The following GPM6B variants were observed in gnomAD, a reference collection of about 807,000 sequenced individuals.
GPM6B encodes neuronal membrane glycoprotein M6-b.
Under a neutral mutation model 27.2 loss-of-function variants are expected in GPM6B, and 4 were observed. That is an observed-to-expected ratio of 0.15 (90% CI 0.07 to 0.34). The LOEUF is 0.34. Among genes scored for constraint, GPM6B ranks in the 10% least tolerant of loss-of-function variants. The pLI is 1.00. For missense variants in GPM6B, 183 were observed against 261.9 expected (o/e 0.70, Z 2.08); for synonymous variants, 124 against 103.1 (o/e 1.20, Z -1.23).
intron 1 of GPM6B, among the ~76,000 whole-genome samples, chrX:13,868,502 C>A: frequency 8.9e-6 from 1 of 111,851 alleles, no homozygotes; most frequent in Non-Finnish European, 1.9e-5. Context: ...ATATGTAAAT[C>A]AGCTCTCACT....
At chrX:13,798,213 T>C (rs1224825434) in intron 2 of GPM6B, among the ~76,000 whole-genome samples, 1 of 110,582 alleles carries the variant, frequency 9.0e-6, no homozygotes, top group African/African-American at 3.3e-5. Context: ...TGAACCCCTT[T>C]GAGAAACTAA....
At chrX:13,809,674 T>A (rs771919712) in intron 1 of GPM6B, among the ~76,000 whole-genome samples, 61 of 110,543 alleles carry the variant, frequency 5.5e-4, no homozygotes, top group African/African-American at 1.9e-3. Flanking sequence ...TGGTGGCTCA[T>A]GCCTGTAATT....
chrX:13,843,658 T>C (rs777087573), intron 1 of GPM6B, among the ~76,000 whole-genome samples: 2 of 112,593 alleles, frequency 1.8e-5, no homozygotes, highest in Non-Finnish European at 1.9e-5. Flanking sequence ...TGATATCTCA[T>C]TGTGGTTTCA....
chrX:13,812,563 C>G (rs1412912597), intron 1 of GPM6B, among the ~76,000 whole-genome samples: 1 of 111,514 alleles, frequency 9.0e-6, no homozygotes, highest in Non-Finnish European at 1.9e-5. Context: ...CCAATCCAAT[C>G]CATCACAGTC....
chrX:13,794,950 T>C (rs114963361), intron 2 of GPM6B, among the ~76,000 whole-genome samples: 2,333 of 111,981 alleles, frequency 0.021, 44 homozygotes, highest in African/African-American at 0.06. Flanking sequence ...TGACAAGATA[T>C]AGTTTTTTAG....
intron 1 of GPM6B, among the ~76,000 whole-genome samples, chrX:13,831,967 C>T (rs907144248): frequency 2.7e-5 from 3 of 111,516 alleles, no homozygotes; most frequent in Non-Finnish European, 5.6e-5. Context: ...GAATGTATTT[C>T]CCCACCCTCA....
chrX:13,779,270 C>G (rs1445745458), intron 5 of GPM6B, among the ~76,000 whole-genome samples: 1 of 102,087 alleles, frequency 9.8e-6, no homozygotes, highest in Non-Finnish European at 1.9e-5. Flanking sequence ...AATGTTTGAA[C>G]TGGTTTCTAA....
intron 2 of GPM6B, among the ~76,000 whole-genome samples, chrX:13,797,061 G>T (rs1296396145): frequency 1.8e-5 from 2 of 112,416 alleles, no homozygotes; most frequent in African/African-American, 6.5e-5. Flanking sequence ...CATTTGAGAA[G>T]TATTTAATAT....
chrX:13,932,612 T>C (rs1273541952), intron 1 of GPM6B, among the ~76,000 whole-genome samples: 1 of 111,755 alleles, frequency 8.9e-6, no homozygotes, highest in Non-Finnish European at 1.9e-5. Flanking sequence ...GTGATGGACA[T>C]GTGACAGGAA....
chrX:13,928,523 T>C lies in GPM6B; in HGVS notation c.-198+9804A>G, dbSNP rs201710016. On this transcript the variant is annotated intron_variant, in intron 1 of 6. Coordinates refer to the GPM6B transcript ENST00000398361. ...GGTCCCAAATTCTTTTTAATTACCA[T>C]GGAAACTGTCAGAATATGCCAAATG... Among the ~76,000 whole-genome samples, 40 of 112,223 alleles carry C rather than the reference T, an allele frequency of 3.6e-4. 1 individual carries two copies. The East Asian group carries it at 8.4e-3, about 23-fold the overall frequency.
chrX:13,930,471 A>G (rs192313234), intron 1 of GPM6B, among the ~76,000 whole-genome samples: 2,040 of 111,395 alleles, frequency 0.018, 46 homozygotes, highest in African/African-American at 0.064. Flanking sequence ...AAAATTAGCC[A>G]GGCGTGGTTG....
Position 13,884,318 on chromosome X carries a change from T to C in GPM6B, c.-198+54009A>G, listed in dbSNP as rs1196384947. On this transcript the variant is annotated intron_variant, in intron 1 of 6. Transcript: ENST00000398361. ...AGTGCTGGTCTAGAATACTCTAGAATAGTTCATATTATATAAAATATCTAG... is the reference window on the plus strand; with the variant it reads ...AGTGCTGGTCTAGAATACTCTAGAACAGTTCATATTATATAAAATATCTAG... Among the ~76,000 whole-genome samples the C allele has an allele frequency of 3.5e-5, 4 of 112,745 alleles. No individual in the cohort carries two copies. In the South Asian group the frequency reaches 1.5e-3, roughly 41 times the overall value.
intron 2 of GPM6B, among the ~76,000 whole-genome samples, chrX:13,792,623 C>T (rs1172815909): frequency 1.8e-5 from 2 of 111,783 alleles, no homozygotes; most frequent in African/African-American, 3.3e-5. Flanking sequence ...AACTCTGGGC[C>T]GGGCGGGGTG....
intron 1 of GPM6B, among the ~76,000 whole-genome samples, chrX:13,933,746 G>C (rs1921693122): frequency 9.0e-6 from 1 of 111,364 alleles, no homozygotes; most frequent in African/African-American, 3.3e-5. Flanking sequence ...GAGTGGGGTA[G>C]GTGATATAAA....
At chrX:13,841,849 GTTTCTC>G (rs1351431004) in intron 1 of GPM6B, among the ~76,000 whole-genome samples, 2 of 111,421 alleles carry the variant, frequency 1.8e-5, no homozygotes, top group African/African-American at 6.5e-5. Flanking sequence ...CACCCACCAT[GTTTCTC>G]TTGGCTACCC....
chrX:13,804,141 G>A (rs1014984463), intron 2 of GPM6B, among the ~76,000 whole-genome samples: 1 of 111,307 alleles, frequency 9.0e-6, no homozygotes, highest in Non-Finnish European at 1.9e-5. Flanking sequence ...CAGTGGGGCT[G>A]GGTGGGACCT....
intron 1 of GPM6B, among the ~76,000 whole-genome samples, chrX:13,913,728 A>T (rs2050401636): frequency 9.0e-6 from 1 of 111,027 alleles, no homozygotes; most frequent in African/African-American, 3.3e-5. Flanking sequence ...CATACTCTCA[A>T]CTATGTGAAA....
chrX:13,776,951 G>A (rs1483190692), intron 6 of GPM6B, among the ~76,000 whole-genome samples: 1 of 111,478 alleles, frequency 9.0e-6, no homozygotes, highest in African/African-American at 3.3e-5. Flanking sequence ...TGAAATAGAG[G>A]GACTCCTCTA....
intron 1 of GPM6B, among the ~76,000 whole-genome samples, chrX:13,915,071 C>T (rs1447313539): frequency 1.1e-5 from 1 of 92,844 alleles, no homozygotes; most frequent in African/African-American, 4.0e-5. Context: ...AGTTCAAGAC[C>T]AGCCTGGGCA....
Sources: allele counts gnomAD v4.1 joint callset (sites outside exome capture counted in the v4.1 genomes callset), GRCh38; gene constraint gnomAD v4.1.1; transcripts MANE v1.5; gene names NCBI Gene and HGNC (gene_info 2026-07-23, HGNC 2026-07-21).